Variants in FHIT observed in about 807,000 individuals in gnomAD.
FHIT encodes bis(5'-adenosyl)-triphosphatase.
FHIT carries 19 observed loss-of-function variants against 17.9 expected under a neutral mutation model. The ratio of observed to expected loss-of-function variants is 1.06; its 90% confidence interval spans 0.74 to 1.56. The LOEUF is 1.56. Ranked by LOEUF, FHIT falls within the 40% of genes most tolerant of loss-of-function variation. The pLI is 0.00. For synonymous variants in FHIT, 81 were observed against 69.7 expected (o/e 1.16, Z -0.81); for missense variants, 248 against 189.2 (o/e 1.31, Z -1.82).
chr3:60,965,654 A>G (rs1241560504), intron 3 of FHIT, among the ~76,000 whole-genome samples: 3 of 152,102 alleles, frequency 2.0e-5, no homozygotes, highest in Non-Finnish European at 1.5e-5. Context: ...TTTTCCTTCT[A>G]ACAGTCAGGA....
intron 3 of FHIT, among the ~76,000 whole-genome samples, chr3:60,860,545 ATACATATGTATCATATATCAGG>A (rs1703694920): frequency 4.6e-5 from 1 of 21,602 alleles, no homozygotes; most frequent in Non-Finnish European, 1.6e-4. Flanking sequence ...GGTATATATG[ATACATATGTATCATATATCAGG>A]TATATATGAT....
chr3:60,066,548 C>A (rs568116438), intron 5 of FHIT, among the ~76,000 whole-genome samples: 3 of 149,840 alleles, frequency 2.0e-5, no homozygotes, highest in African/African-American at 7.3e-5. Context: ...AAAACGCCAA[C>A]ATAACTTCTG....
chr3:60,544,843 T>A (rs1031078268), intron 4 of FHIT, among the ~76,000 whole-genome samples: 1 of 152,064 alleles, frequency 6.6e-6, no homozygotes, highest in Non-Finnish European at 1.5e-5. Context: ...GTAATCCACC[T>A]GCCTCAGCCT....
At chr3:60,144,362 A>C (rs1374171587) in intron 5 of FHIT, among the ~76,000 whole-genome samples, 1 of 152,146 alleles carries the variant, frequency 6.6e-6, no homozygotes, top group Non-Finnish European at 1.5e-5. Flanking sequence ...GAACACTCAT[A>C]ATAACCCAAG....
At chr3:60,139,820 T>TA (rs10680391) in intron 5 of FHIT, among the ~76,000 whole-genome samples, 64,015 of 147,632 alleles carry the variant, frequency 0.43, 14,759 homozygotes, top group African/African-American at 0.62. Flanking sequence ...CTTTCATTAT[T>TA]AAAAAAAAAA....
At chr3:60,996,590 G>A (rs1308155077) in intron 3 of FHIT, among the ~76,000 whole-genome samples, 1 of 152,132 alleles carries the variant, frequency 6.6e-6, no homozygotes, top group Admixed American at 6.5e-5. Context: ...TAATACAGTA[G>A]ATGCAGCATT....
intron 5 of FHIT, among the ~76,000 whole-genome samples, chr3:60,474,518 T>C (rs1212695782): frequency 2.0e-5 from 3 of 152,216 alleles, no homozygotes; most frequent in African/African-American, 7.2e-5. Flanking sequence ...TTGCAGTTTT[T>C]GAATTTATTA....
intron 5 of FHIT, among the ~76,000 whole-genome samples, chr3:60,122,657 G>C (rs550237944): frequency 1.3e-5 from 2 of 152,138 alleles, no homozygotes; most frequent in Admixed American, 6.5e-5. Flanking sequence ...AGAGAAAAAA[G>C]TATCTGGTGA....
intron 5 of FHIT, among the ~76,000 whole-genome samples, chr3:60,085,322 C>G (rs1451164879): frequency 6.6e-6 from 1 of 152,132 alleles, no homozygotes; most frequent in Non-Finnish European, 1.5e-5. Flanking sequence ...GGTCTAGGTT[C>G]TTCCAAAGGC....
chr3:59,955,765 A>T (rs1416403614), intron 7 of FHIT, among the ~76,000 whole-genome samples: 2 of 152,222 alleles, frequency 1.3e-5, no homozygotes, highest in African/African-American at 2.4e-5. Context: ...ATCTGCCATC[A>T]GGTCCTAAAT....
At chr3:60,218,486 A>C (rs552080439) in intron 5 of FHIT, among the ~76,000 whole-genome samples, 12 of 152,250 alleles carry the variant, frequency 7.9e-5, no homozygotes, top group Admixed American at 2.0e-4. Context: ...TAAATGAACA[A>C]TTTTTTCTTT....
At chr3:61,176,599 T>C (rs72879845) in intron 2 of FHIT, among the ~76,000 whole-genome samples, 21,467 of 152,238 alleles carry the variant, frequency 0.14, 1,630 homozygotes, top group South Asian at 0.22. Context: ...GAATTTGCAA[T>C]ATCCACCTCG....
At chr3:60,248,227 C>A (rs756734162) in intron 5 of FHIT, among the ~76,000 whole-genome samples, 5 of 150,932 alleles carry the variant, frequency 3.3e-5, no homozygotes, top group Non-Finnish European at 6.0e-5. Context: ...GGTACAAAAA[C>A]CTTCAAAAGC....
chr3:60,122,137 AAG>A (rs766338157), intron 5 of FHIT, among the ~76,000 whole-genome samples: 2 of 152,136 alleles, frequency 1.3e-5, no homozygotes, highest in Non-Finnish European at 2.9e-5. Flanking sequence ...GAGATAATAA[AAG>A]AGACGTTAGA....
intron 5 of FHIT, among the ~76,000 whole-genome samples, chr3:60,078,554 T>C (rs913726421): frequency 1.3e-5 from 2 of 152,156 alleles, no homozygotes; most frequent in Non-Finnish European, 2.9e-5. Flanking sequence ...CAATGTGTGA[T>C]CCTGGAATGG....
At chr3:60,714,356 C>G (rs1417485347) in intron 4 of FHIT, among the ~76,000 whole-genome samples, 3 of 152,062 alleles carry the variant, frequency 2.0e-5, no homozygotes, top group Admixed American at 2.0e-4. Context: ...CGGAAGCATT[C>G]CCTTTGAAAA....
intron 5 of FHIT, among the ~76,000 whole-genome samples, chr3:60,118,542 T>G (rs1005744607): frequency 2.0e-5 from 3 of 152,052 alleles, no homozygotes; most frequent in Non-Finnish European, 4.4e-5. Context: ...GTCAGGAGCT[T>G]CCTACAGTGC....
intron 5 of FHIT, among the ~76,000 whole-genome samples, chr3:60,236,877 C>T (rs1322335675): frequency 1.3e-5 from 2 of 152,134 alleles, no homozygotes; most frequent in Middle Eastern, 3.2e-3. Context: ...TACATATGCA[C>T]ATATACAAGC....
intron 5 of FHIT, among the ~76,000 whole-genome samples, chr3:60,391,085 G>A (rs1203741931): frequency 1.3e-5 from 2 of 152,078 alleles, no homozygotes; most frequent in Admixed American, 1.3e-4. Flanking sequence ...CTTCTCATGA[G>A]GCTGAAGGAC....
Sources: gnomAD v4.1 joint callset for allele counts (sites outside exome capture counted in the v4.1 genomes callset) on GRCh38, gnomAD v4.1.1 for gene constraint, MANE v1.5 for transcripts, NCBI Gene and HGNC (gene_info 2026-07-23, HGNC 2026-07-21) for gene names.